TSR1: variants seen among roughly 807,000 people sequenced by gnomAD.
TSR1 encodes pre-rRNA-processing protein TSR1 homolog.
Under a neutral mutation model 90.9 loss-of-function variants are expected in TSR1, and 81 were observed. The observed-to-expected ratio is 0.89, with a 90% CI of 0.74 to 1.07. TSR1 has a LOEUF of 1.07. TSR1 is among the 50% of genes least tolerant of loss of function. The pLI is 0.00. For missense variants in TSR1, 989 were observed against 987.3 expected (o/e 1.00, Z -0.02); for synonymous variants, 362 against 348.8 (o/e 1.04, Z -0.42).
chr17:2,330,795 T>C, intron 9 of TSR1, 152 bp downstream of exon 9: 1 of 990,262 alleles, frequency 1.0e-6, no homozygotes, highest in Non-Finnish European at 1.5e-6. Flanking sequence ...ACATAGCTGA[T>C]ACCTCTTTGT....
At chr17:2,334,027 T>C (rs976025716) in intron 5 of TSR1, among the ~76,000 whole-genome samples, 2 of 152,184 alleles carry the variant, frequency 1.3e-5, no homozygotes, top group Admixed American at 1.3e-4. Context: ...AGGTTCATTC[T>C]GTCTCTTATC....
At chr17:2,326,789 C>T (rs1232410609) in intron 11 of TSR1, among the ~76,000 whole-genome samples, 1 of 152,164 alleles carries the variant, frequency 6.6e-6, no homozygotes, top group African/African-American at 2.4e-5. Context: ...AAGCACATGC[C>T]ACCACACCTG....
intron 8 of TSR1, 34 bp downstream of exon 8, chr17:2,332,135 G>C (rs749184561): frequency 3.7e-5 from 59 of 1,594,374 alleles, no homozygotes; most frequent in Non-Finnish European, 4.8e-5. Flanking sequence ...CGTATTGACT[G>C]AATTTAGATT....
In TSR1 at chr17:2,324,672, T is replaced by C. The variant is rs1163629580; in HGVS notation, c.2161+17A>G. 1.1e-5 allele frequency: 18 copies of C among 1,614,028 alleles called. No homozygotes were observed. The highest frequency in any genetic ancestry group is 1.5e-5 in the Non-Finnish European group (18 of 1,179,988). On this transcript the variant is annotated intron_variant, in intron 13 of 14. Coordinates refer to ENST00000301364, the MANE Select transcript of TSR1 (RefSeq NM_018128.5). ...CCACAAAGGCAATCAGATCCCATCC[T>C]CCTCCTTCATACCCACCTCTGTTGA...
chr17:2,332,844 AAAAAT>A, intron 7 of TSR1, 112 bp downstream of exon 7: 1 of 1,076,268 alleles, frequency 9.3e-7, no homozygotes, highest in Admixed American at 2.8e-5. Flanking sequence ...CTCATAAAAA[AAAAAT>A]AAAAAAAATA....
intron 11 of TSR1, among the ~76,000 whole-genome samples, chr17:2,327,715 C>A (rs1291538822): frequency 6.6e-6 from 1 of 151,958 alleles, no homozygotes; most frequent in Non-Finnish European, 1.5e-5. Context: ...ACTAATTAAT[C>A]TTATGGAAAA....
chr17:2,329,981 G>A (rs1387414166), intron 10 of TSR1, among the ~76,000 whole-genome samples: 7 of 151,630 alleles, frequency 4.6e-5, no homozygotes, highest in East Asian at 1.9e-4. Context: ...GTGCAATGGT[G>A]CAATCTTGGC....
intron 12 of TSR1, 166 bp downstream of exon 12, chr17:2,325,135 TGGA>T: frequency 1.6e-6 from 1 of 620,058 alleles, no homozygotes; most frequent in Non-Finnish European, 2.7e-6. Context: ...ACGTAAAAGT[TGGA>T]GTTTTCATTG....
At chr17:2,335,899 T>C (rs1174648024) in intron 2 of TSR1, 138 bp downstream of exon 2, 3 of 1,216,132 alleles carry the variant, frequency 2.5e-6, no homozygotes, top group Admixed American at 4.3e-5. Context: ...CAAAGAATGC[T>C]AGACCTGCAC....
At chr17:2,326,341 G>A (rs930195275) in intron 11 of TSR1, among the ~76,000 whole-genome samples, 1 of 152,056 alleles carries the variant, frequency 6.6e-6, no homozygotes, top group African/African-American at 2.4e-5. Flanking sequence ...ACGATGTTCA[G>A]AAGCCCCCAA....
At position 2,335,663 on chromosome 17, in the gene TSR1, A is replaced by C. The variant is rs763726412; in HGVS notation, c.269T>G (p.Leu90Arg). ...CTCTGGCAGGGAAATTCTGCTGTGC[A>C]GGGGCACCACCAGTACCTGATGAGG... is the stretch of plus-strand genomic sequence containing the variant. ...GPPHQVLVVP[L>R]HSRISLPEAM... The change falls in exon 3 of 15, where the codon CTG becomes CGG. Residue 90 changes from leucine to arginine, a missense_variant. Leu to Arg is a moderately radical substitution (Grantham distance 102). Coordinates refer to ENST00000301364, the MANE Select transcript of TSR1 (RefSeq NM_018128.5). The C allele has an allele frequency of 7.4e-6, 12 of 1,613,984 alleles. No homozygotes were observed. The highest frequency in any genetic ancestry group is 1.7e-6 in the Non-Finnish European group (2 of 1,180,042).
Position 2,325,395 on chromosome 17 carries a change from GA to G in TSR1, c.1928del (p.Phe643SerfsTer2). On this transcript the variant is annotated frameshift_variant, in exon 12 of 15. Coordinates refer to ENST00000301364, the MANE Select transcript of TSR1 (RefSeq NM_018128.5). LOFTEE classifies it high-confidence loss of function. ...CCACCAGGGCCATGTCAGCAGTCAG[GA>G]ATCTCTGCAATTTATGTTTGTCCGC... ...TAADKHKLQR[F>X]LTADMALVAT... 1.2e-6 allele frequency: 2 copies of G among 1,612,246 alleles called. No homozygotes were observed. Among genetic ancestry groups the G allele is most frequent in the Non-Finnish European group, 1.7e-6 (2 of 1,179,524 alleles).
intron 2 of TSR1, 61 bp downstream of exon 2, chr17:2,335,976 G>A (rs966458798): frequency 6.5e-7 from 1 of 1,549,866 alleles, no homozygotes; most frequent in Non-Finnish European, 8.9e-7. Flanking sequence ...TTTCCACTTC[G>A]AGGCATTAGC....
chr17:2,333,815 A>G, intron 5 of TSR1, 99 bp from the exon 6 acceptor site: 1 of 1,432,964 alleles, frequency 7.0e-7, no homozygotes, highest in Non-Finnish European at 9.6e-7. Flanking sequence ...CCTCATGTAT[A>G]AGATGAGTGC....
chr17:2,324,823 T>A lies in TSR1; in HGVS notation c.2027A>T (p.His676Leu). 2.5e-6 allele frequency: 4 copies of A among 1,610,328 alleles called. No individual in the cohort carries two copies. The highest frequency in any genetic ancestry group is 3.4e-6 in the Non-Finnish European group (4 of 1,179,022). ...LLFKQKSNGM[H>L]SLIATGHLMS... ...AAGATGGCCTGTAGCAATGAGGCTG[T>A]GCATTCCTAAAGGACAAAAGCAAAG... The change falls in exon 13 of 15, where the codon CAC becomes CTC. Residue 676 changes from histidine to leucine, a missense_variant. By Grantham distance (99) the His-to-Leu change is moderately conservative (BLOSUM62 -3). Coordinates refer to ENST00000301364, the MANE Select transcript of TSR1 (RefSeq NM_018128.5).
At chr17:2,330,191 G>A (rs2075596655) in intron 10 of TSR1, 22 of 481,186 alleles carry the variant, frequency 4.6e-5, no homozygotes, top group South Asian at 3.4e-4. Context: ...AAAGTGCTGG[G>A]ATTACAGGCG....
At position 2,324,106 on chromosome 17, in the gene TSR1, A is replaced by G; in HGVS notation, c.*90T>C. The G allele has an allele frequency of 6.8e-7, 1 of 1,469,046 alleles. No homozygotes were observed. Among genetic ancestry groups the G allele is most frequent in the Non-Finnish European group, 9.1e-7 (1 of 1,099,228 alleles). The allele number at this position is 1,469,046 out of a possible 1,614,324, so 91.0% of individuals were successfully genotyped here. On this transcript the variant is annotated 3_prime_UTR_variant, in exon 15 of 15. Transcript: ENST00000301364. The stretch of plus-strand genomic sequence containing the variant: ...TGGGGCAGTGGACTGACAGGCTGAC[A>G]TAGAAAATAAACTTTGCCCAATCAC...
In TSR1 at chr17:2,323,611, T is replaced by C. The variant is rs899691335; in HGVS notation, c.*585A>G. On this transcript the variant is annotated 3_prime_UTR_variant, in exon 15 of 15. Transcript: ENST00000301364. ...ATCTGAACTTTATAGGTAAACCAAC[T>C]AGACTCCCCTTTCACTAATTCCTAC... 6.3e-7 allele frequency: 1 copy of C among 1,594,422 alleles called. No individual in the cohort carries two copies. Among genetic ancestry groups the C allele is most frequent in the Non-Finnish European group, 8.6e-7 (1 of 1,163,108 alleles).
chr17:2,335,669 A>AAATT lies in TSR1; in HGVS notation c.262_263insAATT (p.Val88GlufsTer20). ...CAGGGAAATTCTGCTGTGCAGGGGC[A>AAATT]CCACCAGTACCTGATGAGGAGGGCC... On this transcript the variant is annotated frameshift_variant, in exon 3 of 15. Transcript: ENST00000301364. LOFTEE classifies it high-confidence loss of function. The AAATT allele has an allele frequency of 6.2e-7, 1 of 1,614,102 alleles. No homozygotes were observed. Among genetic ancestry groups the AAATT allele is most frequent in the Non-Finnish European group, 8.5e-7 (1 of 1,180,030 alleles).
Sources: allele counts gnomAD v4.1 joint callset (sites outside exome capture counted in the v4.1 genomes callset), GRCh38; gene constraint gnomAD v4.1.1; transcripts MANE v1.5; gene names NCBI Gene and HGNC (gene_info 2026-07-23, HGNC 2026-07-21).